Variants in SPINDOC observed in about 807,000 individuals in gnomAD.
The protein encoded by SPINDOC is spindlin interactor and repressor of chromatin-binding protein.
In SPINDOC, 13 loss-of-function variants were observed where a neutral mutation model predicts 30.7. The observed-to-expected ratio is 0.42, with a 90% CI of 0.28 to 0.67. The LOEUF (loss-of-function observed/expected upper bound fraction) is 0.67, where lower values mean the gene tolerates loss of function less well. Ranked by LOEUF, SPINDOC falls within the 30% of genes least tolerant of loss-of-function variation. The probability of loss-of-function intolerance (pLI) is 0.22; values close to 1 mark genes in which losing one functional copy is unlikely to be tolerated. For missense variants in SPINDOC, 438 were observed against 518.0 expected (o/e 0.85, Z 1.50); for synonymous variants, 228 against 211.4 (o/e 1.08, Z -0.68).
At chr11:63,824,496 G>T (rs1050255019) in intron 5 of SPINDOC, among the ~76,000 whole-genome samples, 1 of 152,132 alleles carries the variant, frequency 6.6e-6, no homozygotes, top group Non-Finnish European at 1.5e-5. Context: ...CTGGCACAGC[G>T]TAGGCCCGGC....
In SPINDOC at chr11:63,818,687, G is replaced by A. The variant is rs759447216; in HGVS notation, c.733+35G>A. ...AGGCCCGGGGGAGGCGTGGGCTCTG[G>A]CCGCAGTGCTCTGAGGAAATCCGCA... On this transcript the variant is annotated intron_variant, in intron 4 of 5. Coordinates refer to ENST00000294244, the MANE Select transcript of SPINDOC (RefSeq NM_138471.3). The surrounding 1 kb of genome is among the most constrained non-coding windows in gnomAD (Gnocchi z 5.3). The A allele has an allele frequency of 6.2e-7, 1 of 1,612,642 alleles. No individual in the cohort carries two copies. Among genetic ancestry groups the A allele is most frequent in the Admixed American group, 1.7e-5 (1 of 59,812 alleles).
At chr11:63,816,821 T>C (rs72932293) in intron 1 of SPINDOC, among the ~76,000 whole-genome samples, 4,589 of 152,210 alleles carry the variant, frequency 0.03, 83 homozygotes, top group East Asian at 0.051. Context: ...AGTGGGACCA[T>C]GGCTGTAAAT....
chr11:63,820,893 A>AAAAAAAAC (rs764696566), intron 5 of SPINDOC, among the ~76,000 whole-genome samples: 1 of 147,032 alleles, frequency 6.8e-6, no homozygotes, highest in Non-Finnish European at 1.5e-5. Flanking sequence ...CCGTCTCAAA[A>AAAAAAAAC]AAAAAAAAAA....
intron 5 of SPINDOC, among the ~76,000 whole-genome samples, chr11:63,821,641 C>T (rs935434319): frequency 1.3e-5 from 2 of 152,184 alleles, no homozygotes; most frequent in African/African-American, 2.4e-5. Context: ...TAGGAGTGCA[C>T]GTCTCCTTGT....
intron 5 of SPINDOC, 54 bp from the exon 6 acceptor site, chr11:63,826,874 C>T (rs879807908): frequency 3.4e-5 from 30 of 875,106 alleles, no homozygotes; most frequent in South Asian, 1.8e-4. Context: ...GGGGCATCCT[C>T]GTGGTGGGGT....
intron 5 of SPINDOC, among the ~76,000 whole-genome samples, chr11:63,826,092 C>T (rs919498530): frequency 1.3e-5 from 2 of 152,108 alleles, no homozygotes; most frequent in Non-Finnish European, 2.9e-5. Context: ...GGGTGCACCA[C>T]TATGCCTGCC....
intron 5 of SPINDOC, among the ~76,000 whole-genome samples, chr11:63,826,464 C>T (rs2015658015): frequency 6.6e-6 from 1 of 152,104 alleles, no homozygotes; most frequent in Non-Finnish European, 1.5e-5. Context: ...TTTTCTGTCC[C>T]CCACGTAGTC....
At position 63,827,274 on chromosome 11, in the gene SPINDOC, A is replaced by G; in HGVS notation, c.*135A>G. ...CAGGGCAGGAGGGGGCTGGGGCAGC[A>G]TCCACTGTTATTTCGGGGCACTGGA... On this transcript the variant is annotated 3_prime_UTR_variant, in exon 6 of 6. Transcript: ENST00000294244. 5 of 1,427,270 alleles carry G rather than the reference A, an allele frequency of 3.5e-6. No individual in the cohort carries two copies. The highest frequency in any genetic ancestry group is 4.7e-6 in the Non-Finnish European group (5 of 1,067,976). The allele number at this position is 1,427,270 out of a possible 1,614,324, so 88.4% of individuals were successfully genotyped here.
rs1297091252 is a variant in SPINDOC at position 63,820,699 on chromosome 11, G to C, written c.934+1697G>C. 2.0e-5 allele frequency among the ~76,000 whole-genome samples: 3 copies of C among 151,260 alleles called. No homozygotes were observed. In the Admixed American group the frequency reaches 2.0e-4, roughly 10 times the overall value. On this transcript the variant is annotated intron_variant, in intron 5 of 5. Transcript: ENST00000294244. Reference sequence around the variant, plus strand: ...GAGGTCAGGAGATCGAGACCATCCTGGCTAACACGGTGAAACCCCGTCTCT... The same window carrying C: ...GAGGTCAGGAGATCGAGACCATCCTCGCTAACACGGTGAAACCCCGTCTCT...
At chr11:63,814,905 C>G (rs1366592277) in intron 1 of SPINDOC, among the ~76,000 whole-genome samples, 1 of 152,172 alleles carries the variant, frequency 6.6e-6, no homozygotes, top group African/African-American at 2.4e-5. Context: ...GGCCTTATCC[C>G]CACTGTTAGG....
In SPINDOC at chr11:63,818,332, C is replaced by T. The variant is rs643634; in HGVS notation, c.574C>T (p.Arg192Trp). The change falls in exon 3 of 6, where the codon CGG (arginine) becomes TGG (tryptophan). Residue 192 changes from arginine (R) to tryptophan (W), a missense_variant. Transcript: ENST00000294244. This position sits in a 1 kb window ranked among gnomAD's most constrained non-coding sequence, Gnocchi z 5.3. The part of the protein sequence containing the change: ...EDNPSLPKRS[R>W]PRGLRPLELP... ...TAACCCATCCCTCCCTAAAAGGAGC[C>T]GGCCCAGGGGACTCCGCCCCCTCGA... 5.6e-6 allele frequency: 9 copies of T among 1,613,584 alleles called. No homozygotes were observed. The highest frequency in any genetic ancestry group is 1.1e-5 in the South Asian group (1 of 91,066).
intron 5 of SPINDOC, among the ~76,000 whole-genome samples, chr11:63,826,278 G>T (rs1012049824): frequency 6.6e-6 from 1 of 152,096 alleles, no homozygotes; most frequent in African/African-American, 2.4e-5. Context: ...TTGCGTGCTC[G>T]TTTTTTATGG....
intron 1 of SPINDOC, among the ~76,000 whole-genome samples, chr11:63,816,250 A>T (rs779508136): frequency 3.3e-5 from 5 of 152,164 alleles, no homozygotes; most frequent in Admixed American, 6.5e-5. Flanking sequence ...GATGAGGAAG[A>T]ACTAGCACAC....
intron 5 of SPINDOC, among the ~76,000 whole-genome samples, chr11:63,824,020 TC>T (rs1366205802): frequency 6.6e-6 from 1 of 151,852 alleles, no homozygotes; most frequent in Admixed American, 6.6e-5. Context: ...CGATTCTCCT[TC>T]CTCAGCCTCC....
intron 5 of SPINDOC, among the ~76,000 whole-genome samples, chr11:63,824,854 T>G (rs2015614214): frequency 6.6e-6 from 1 of 151,880 alleles, no homozygotes; most frequent in Non-Finnish European, 1.5e-5. Flanking sequence ...CAATCTTCCC[T>G]TTCCCAGTGA....
chr11:63,822,356 T>TAAAAAAAAAAAAAAAAAAA (rs753315518), intron 5 of SPINDOC, among the ~76,000 whole-genome samples: 2 of 58,816 alleles, frequency 3.4e-5, no homozygotes, highest in Non-Finnish European at 7.5e-5. Context: ...CTAGACTGTC[T>TAAAAAAAAAAAAAAAAAAA]AAAAAAAAAA....
intron 5 of SPINDOC, among the ~76,000 whole-genome samples, chr11:63,820,714 A>AC (rs1443949669): frequency 6.6e-6 from 1 of 150,700 alleles, no homozygotes; most frequent in Admixed American, 6.6e-5. Flanking sequence ...ACACGGTGAA[A>AC]CCCCGTCTCT....
chr11:63,822,359 A>T (rs1262560447), intron 5 of SPINDOC, among the ~76,000 whole-genome samples: 1 of 146,322 alleles, frequency 6.8e-6, no homozygotes, highest in Non-Finnish European at 1.5e-5. Context: ...GACTGTCTAA[A>T]AAAAAAAAAA....
chr11:63,825,844 A>G (rs534214317), intron 5 of SPINDOC, among the ~76,000 whole-genome samples: 1 of 152,198 alleles, frequency 6.6e-6, no homozygotes, highest in Non-Finnish European at 1.5e-5. Context: ...GTCTCTAAAA[A>G]CAGGGTAGAA....
Sources: gnomAD v4.1 joint callset for allele counts (sites outside exome capture counted in the v4.1 genomes callset) on GRCh38, gnomAD v4.1.1 for gene constraint, Gnocchi (gnomAD v3.1) non-coding constraint, MANE v1.5 for transcripts, NCBI Gene and HGNC (gene_info 2026-07-23, HGNC 2026-07-21) for gene names.